SLC25A27: variants seen among roughly 807,000 people sequenced by gnomAD.
SLC25A27 encodes mitochondrial uncoupling protein 4.
In SLC25A27, 35 loss-of-function variants were observed where a neutral mutation model predicts 49.1. The ratio of observed to expected loss-of-function variants is 0.71; its 90% confidence interval spans 0.54 to 0.95. SLC25A27 has a LOEUF of 0.95. SLC25A27 is among the 40% of genes least tolerant of loss of function. The probability of loss-of-function intolerance (pLI) is 0.00; values close to 1 mark genes in which losing one functional copy is unlikely to be tolerated. For synonymous variants in SLC25A27, 144 were observed against 136.9 expected (o/e 1.05, Z -0.36); for missense variants, 339 against 397.1 (o/e 0.85, Z 1.24).
intron 8 of SLC25A27, among the ~76,000 whole-genome samples, chr6:46,674,243 T>G (rs1481004375): frequency 1.3e-5 from 2 of 152,206 alleles, no homozygotes; most frequent in Non-Finnish European, 2.9e-5. Flanking sequence ...ACATTACTTT[T>G]TAAAACTGTA....
chr6:46,673,209 C>G (rs62401181), intron 8 of SLC25A27, among the ~76,000 whole-genome samples: 1 of 152,216 alleles, frequency 6.6e-6, no homozygotes, highest in Non-Finnish European at 1.5e-5. Flanking sequence ...TACTGAATCA[C>G]TTGGTATATG....
At chr6:46,676,087 T>C (rs1763774105) in intron 8 of SLC25A27, among the ~76,000 whole-genome samples, 1 of 152,230 alleles carries the variant, frequency 6.6e-6, no homozygotes, top group Non-Finnish European at 1.5e-5. Flanking sequence ...GGTCTAGCTC[T>C]ACAACATGTC....
chr6:46,663,214 C>G (rs1413810211), intron 4 of SLC25A27, among the ~76,000 whole-genome samples: 1 of 151,972 alleles, frequency 6.6e-6, no homozygotes, highest in Non-Finnish European at 1.5e-5. Flanking sequence ...AGACCTTTCC[C>G]AGAAAAAAGG....
rs1014496766 is a variant in SLC25A27 at position 46,670,112 on chromosome 6, A to G, written c.705-23A>G. ...ACAAACTACTACATACCATCTTTCA[A>G]TTTCATTTATTTGTATTTATAGTTT... On this transcript the variant is annotated intron_variant, in intron 6 of 8. Coordinates refer to ENST00000371347, the MANE Select transcript of SLC25A27 (RefSeq NM_004277.5). The G allele has an allele frequency of 7.8e-6, 12 of 1,529,310 alleles. No homozygotes were observed. The East Asian group carries it at 9.1e-5, about 12-fold the overall frequency. The allele number at this position is 1,529,310 out of a possible 1,614,324, so 94.7% of individuals were successfully genotyped here. A position where few individuals can be genotyped will look rare whatever the true frequency, so the allele number is the denominator to read the frequency against.
At chr6:46,670,044 A>G (rs765818435) in intron 6 of SLC25A27, 91 bp from the exon 7 acceptor site, 3 of 652,248 alleles carry the variant, frequency 4.6e-6, no homozygotes, top group Non-Finnish European at 7.6e-6. Context: ...GAATATATTT[A>G]GTATTATATT....
intron 7 of SLC25A27, chr6:46,670,633 G>A (rs2150653145): frequency 5.6e-6 from 1 of 177,824 alleles, no homozygotes; most frequent in African/African-American, 2.4e-5. Context: ...ACCAAGGGTG[G>A]CATGAATCAG....
At position 46,673,445 on chromosome 6, in the gene SLC25A27, T is replaced by C. The variant is rs527332584; in HGVS notation, c.900+2217T>C. On this transcript the variant is annotated intron_variant, in intron 8 of 8. Coordinates refer to ENST00000371347, the MANE Select transcript of SLC25A27 (RefSeq NM_004277.5). ...TTGTATTCTTGCTTTACCAGTGGTA[T>C]GAACAGTACTCTGTGGGAACACAGA... Among the ~76,000 whole-genome samples, 6 of 152,306 alleles carry C rather than the reference T, an allele frequency of 3.9e-5. No homozygotes were observed. The South Asian group carries it at 1.2e-3, about 32-fold the overall frequency.
At chr6:46,658,171 A>G (rs1276402076) in intron 2 of SLC25A27, among the ~76,000 whole-genome samples, 1 of 152,226 alleles carries the variant, frequency 6.6e-6, no homozygotes, top group East Asian at 1.9e-4. Context: ...TGAGTAAGTT[A>G]GCGTGTATCA....
In SLC25A27 at chr6:46,658,802, C is replaced by T. The variant is rs1763070157; in HGVS notation, c.299-160C>T. On this transcript the variant is annotated intron_variant, in intron 2 of 8. Transcript: ENST00000371347. ...AAAGAGCATGCCCCATTTGGAGAAG[C>T]ATCAAGAAGCCCACGTGTTAGAAGC... 1.6e-5 allele frequency: 10 copies of T among 634,850 alleles called. No homozygotes were observed. In the South Asian group the frequency reaches 1.9e-4, roughly 12 times the overall value. 39.3% of individuals were successfully genotyped at this position (634,850 alleles called of 1,614,324 possible).
At chr6:46,668,194 A>G (rs1763385123) in intron 5 of SLC25A27, among the ~76,000 whole-genome samples, 1 of 152,048 alleles carries the variant, frequency 6.6e-6, no homozygotes, top group Non-Finnish European at 1.5e-5. Flanking sequence ...AAATATTGAA[A>G]AATTAGCCAG....
chr6:46,676,156 T>C (rs547036882), intron 8 of SLC25A27, among the ~76,000 whole-genome samples: 38 of 152,328 alleles, frequency 2.5e-4, no homozygotes, highest in Non-Finnish European at 4.3e-4. Flanking sequence ...GATATTAATA[T>C]CTTTCCTTTC....
At chr6:46,676,257 C>A in intron 8 of SLC25A27, 126 bp from the exon 9 acceptor site, 3 of 772,708 alleles carry the variant, frequency 3.9e-6, no homozygotes, top group South Asian at 2.3e-5. Context: ...GGTGAAATAC[C>A]AAAATATTTG....
chr6:46,655,535 G>GTTTTTTTTTTTTTTTTTTTT (rs773585919), intron 1 of SLC25A27, among the ~76,000 whole-genome samples: 1 of 10,708 alleles, frequency 9.3e-5, no homozygotes, highest in African/African-American at 3.0e-4. Flanking sequence ...GTTAATGTTT[G>GTTTTTTTTTTTTTTTTTTTT]TTTTTTTTTT....
At chr6:46,655,822 C>T in intron 1 of SLC25A27, 21 bp from the exon 2 acceptor site, 1 of 1,606,192 alleles carries the variant, frequency 6.2e-7, no homozygotes, top group Non-Finnish European at 8.5e-7. Flanking sequence ...GGGTTTTTCC[C>T]TGCATTTGTG....
At chr6:46,667,284 T>C (rs1486584378) in intron 5 of SLC25A27, among the ~76,000 whole-genome samples, 15 of 152,324 alleles carry the variant, frequency 9.8e-5, no homozygotes, top group Non-Finnish European at 2.9e-5. Context: ...ATCCAGAATC[T>C]GACCAGGGCT....
Position 46,655,910 on chromosome 6 carries a change from G to A in SLC25A27, c.174G>A (p.Leu58=). ...QMQGEAALAR[L]GDGARESAPY... Reference sequence around the variant, plus strand: ...AAGGAGAAGCAGCTCTTGCTCGGTTGGGAGACGGTGCAAGAGAATCTGCCC... The same window carrying A: ...AAGGAGAAGCAGCTCTTGCTCGGTTAGGAGACGGTGCAAGAGAATCTGCCC... Residue 58 remains leucine (L), a synonymous_variant, in exon 2 of 9, where the codon TTG becomes TTA. Coordinates refer to ENST00000371347, the MANE Select transcript of SLC25A27 (RefSeq NM_004277.5). 1 of 1,613,680 alleles carries A rather than the reference G, an allele frequency of 6.2e-7. No homozygotes were observed. The highest frequency in any genetic ancestry group is 8.5e-7 in the Non-Finnish European group (1 of 1,179,894).
At chr6:46,657,417 C>G (rs748379048) in intron 2 of SLC25A27, among the ~76,000 whole-genome samples, 47 of 152,068 alleles carry the variant, frequency 3.1e-4, no homozygotes, top group Non-Finnish European at 6.2e-4. Flanking sequence ...GAGCCGAGAT[C>G]ATGCCATTGC....
At chr6:46,675,197 C>T (rs147750848) in intron 8 of SLC25A27, among the ~76,000 whole-genome samples, 113 of 152,260 alleles carry the variant, frequency 7.4e-4, no homozygotes, top group African/African-American at 2.7e-3. Flanking sequence ...TTGCTTTGCT[C>T]AGTCCCTGGT....
intron 3 of SLC25A27, among the ~76,000 whole-genome samples, 161 bp from the exon 4 acceptor site, chr6:46,662,215 C>T (rs559161898): frequency 1.3e-5 from 2 of 152,280 alleles, no homozygotes; most frequent in African/African-American, 2.4e-5. Context: ...CATCAGTAAA[C>T]AGTCAAACTG....
Sources: allele counts gnomAD v4.1 joint callset (sites outside exome capture counted in the v4.1 genomes callset), GRCh38; gene constraint gnomAD v4.1.1; transcripts MANE v1.5; gene names NCBI Gene and HGNC (gene_info 2026-07-23, HGNC 2026-07-21).